The following NELL1 variants were observed in gnomAD, a reference collection of about 807,000 sequenced individuals.
NELL1 encodes protein kinase C-binding protein NELL1.
Under a neutral mutation model 107.4 loss-of-function variants are expected in NELL1, and 76 were observed. That is an observed-to-expected ratio of 0.71 (90% CI 0.59 to 0.86). The LOEUF is 0.86. Among genes scored for constraint, NELL1 ranks in the 40% least tolerant of loss-of-function variants. The pLI is 0.00. For synonymous variants in NELL1, 353 were observed against 341.2 expected, an observed-to-expected ratio of 1.03 and a Z score of -0.38; for missense variants, 1,024 against 1,005.5, an observed-to-expected ratio of 1.02 and a Z score of -0.25.
chr11:21,032,820 G>A (rs1225482048), intron 12 of NELL1, among the ~76,000 whole-genome samples: 1 of 152,186 alleles, frequency 6.6e-6, no homozygotes, highest in East Asian at 1.9e-4. Context: ...TCATGTTGAT[G>A]TGATTTATCC....
chr11:21,250,753 C>T (rs1302981968), intron 14 of NELL1, among the ~76,000 whole-genome samples: 5 of 152,116 alleles, frequency 3.3e-5, no homozygotes, highest in African/African-American at 1.2e-4. Flanking sequence ...ATAAGTGAAT[C>T]CCAAACCTTT....
chr11:20,675,898 C>A (rs1854043599), intron 1 of NELL1, among the ~76,000 whole-genome samples: 1 of 151,980 alleles, frequency 6.6e-6, no homozygotes. Context: ...TAGGTGTACG[C>A]CACCATGCCC....
In NELL1 at chr11:21,389,933, G is replaced by A. The variant is rs574021835; in HGVS notation, c.1645+18985G>A. On this transcript the variant is annotated intron_variant, in intron 15 of 19. Coordinates refer to ENST00000357134, the MANE Select transcript of NELL1 (RefSeq NM_006157.5). ...TATTTCTATATACCTATATATCTAGGAATAGAATTGCTGGGCATGCTTAGG... is the reference window on the plus strand; with the variant it reads ...TATTTCTATATACCTATATATCTAGAAATAGAATTGCTGGGCATGCTTAGG... 2.2e-4 allele frequency among the ~76,000 whole-genome samples: 33 copies of A among 151,704 alleles called. 1 individual carries two copies. In the South Asian group the frequency reaches 5.8e-3, roughly 27 times the overall value.
At chr11:20,961,783 G>C (rs987450385) in intron 12 of NELL1, among the ~76,000 whole-genome samples, 1 of 151,892 alleles carries the variant, frequency 6.6e-6, no homozygotes, top group African/African-American at 2.4e-5. Context: ...GCCTACTTTG[G>C]GATTTGAGTG....
At chr11:20,747,448 T>A (rs1338425894) in intron 2 of NELL1, among the ~76,000 whole-genome samples, 4 of 152,234 alleles carry the variant, frequency 2.6e-5, no homozygotes, top group African/African-American at 9.6e-5. Flanking sequence ...GGAATTCAGA[T>A]GTCTTAGTCC....
At chr11:21,409,168 C>G (rs1184196091) in intron 15 of NELL1, among the ~76,000 whole-genome samples, 2 of 152,064 alleles carry the variant, frequency 1.3e-5, no homozygotes, top group Non-Finnish European at 2.9e-5. Context: ...ATAGCAAAGA[C>G]TTGGAACCAA....
intron 11 of NELL1, among the ~76,000 whole-genome samples, chr11:20,954,101 C>T (rs1370143165): frequency 6.6e-6 from 1 of 152,138 alleles, no homozygotes; most frequent in Non-Finnish European, 1.5e-5. Flanking sequence ...ACTTCAGTTG[C>T]CACATCTGTA....
intron 14 of NELL1, among the ~76,000 whole-genome samples, chr11:21,293,997 A>G (rs957513796): frequency 6.6e-6 from 1 of 152,160 alleles, no homozygotes; most frequent in Non-Finnish European, 1.5e-5. Flanking sequence ...TGATGAGTGC[A>G]GCAAACCACT....
chr11:20,869,226 TTA>T (rs1849151488), intron 4 of NELL1, among the ~76,000 whole-genome samples: 1 of 152,088 alleles, frequency 6.6e-6, no homozygotes, highest in Admixed American at 6.6e-5. Context: ...GCCCAGTCAG[TTA>T]TATGTTACTG....
At chr11:20,735,568 G>A (rs1389639985) in intron 2 of NELL1, among the ~76,000 whole-genome samples, 1 of 152,160 alleles carries the variant, frequency 6.6e-6, no homozygotes, top group Non-Finnish European at 1.5e-5. Context: ...AATATGTGGG[G>A]ATTATGGAAA....
rs1052941048 is a variant in NELL1, at chr11:20,669,625, C to G, written c.-99C>G. 4.8e-6 allele frequency: 5 copies of G among 1,037,398 alleles called. No individual in the cohort carries two copies. The East Asian group carries it at 8.1e-5, about 17-fold the overall frequency. The allele number at this position is 1,037,398 out of a possible 1,614,324, so 64.3% of individuals were successfully genotyped here. A position where few individuals can be genotyped will look rare whatever the true frequency, so the allele number is the denominator to read the frequency against. Reference sequence around the variant, plus strand: ...AGCCACCTCCCCCGCCGCCCGCTAGCAAGTTTGGCGGCTCCAAGCCAGGCG... The same window carrying G: ...AGCCACCTCCCCCGCCGCCCGCTAGGAAGTTTGGCGGCTCCAAGCCAGGCG... On this transcript the variant is annotated 5_prime_UTR_variant, in exon 1 of 20. Transcript: ENST00000357134. This position sits in a 1 kb window ranked among gnomAD's most constrained non-coding sequence, Gnocchi z 4.4.
At chr11:20,844,650 C>A (rs12284424) in intron 3 of NELL1, among the ~76,000 whole-genome samples, 48,789 of 151,688 alleles carry the variant, frequency 0.32, 8,816 homozygotes, top group African/African-American at 0.49. Context: ...TTGCTCGTAG[C>A]GTCAGACTTC....
At chr11:21,069,176 G>A (rs950938973) in intron 12 of NELL1, among the ~76,000 whole-genome samples, 1 of 152,110 alleles carries the variant, frequency 6.6e-6, no homozygotes, top group African/African-American at 2.4e-5. Context: ...ATGGATACAG[G>A]GCTTAATACC....
chr11:21,567,677 T>G (rs556170543), intron 17 of NELL1, among the ~76,000 whole-genome samples: 2 of 151,946 alleles, frequency 1.3e-5, no homozygotes, highest in East Asian at 2.0e-4. Flanking sequence ...ACAAAACATC[T>G]CAGCAAGTCC....
chr11:21,173,600 C>T (rs1856652107), intron 13 of NELL1, among the ~76,000 whole-genome samples: 1 of 151,842 alleles, frequency 6.6e-6, no homozygotes, highest in African/African-American at 2.4e-5. Flanking sequence ...AAACTAGGTA[C>T]TGAATGAAAT....
At chr11:20,703,838 T>A (rs976020950) in intron 2 of NELL1, among the ~76,000 whole-genome samples, 3 of 152,204 alleles carry the variant, frequency 2.0e-5, no homozygotes, top group Admixed American at 2.0e-4. Flanking sequence ...AAATCCTGAG[T>A]TCTAGTTTGA....
chr11:21,087,733 C>G (rs778069700), intron 12 of NELL1, among the ~76,000 whole-genome samples: 8 of 152,074 alleles, frequency 5.3e-5, no homozygotes, highest in Non-Finnish European at 8.8e-5. Flanking sequence ...GCCCATGTAC[C>G]AAACCTGGCC....
Position 21,560,320 on chromosome 11 carries a change from C to T in NELL1, c.1918C>T (p.Leu640=). The change falls in exon 17 of 20, where the codon CTG becomes TTG. Residue 640 remains leucine, a synonymous_variant. Transcript: ENST00000357134. ...TGGTGACTGTCCTCATGAAGGGGGG[C>T]TGAAGCACAATGGCCAGGTGTGGAC... The part of the protein sequence containing the change: ...CSGDCPHEGG[L]KHNGQVWTLK... The T allele has an allele frequency of 6.2e-7, 1 of 1,612,704 alleles. No homozygotes were observed.
chr11:21,498,180 T>C (rs547731392), intron 15 of NELL1, among the ~76,000 whole-genome samples: 202 of 151,802 alleles, frequency 1.3e-3, no homozygotes, highest in African/African-American at 4.8e-3. Flanking sequence ...ATATTGTAGA[T>C]TTGAATAAAA....
Sources: allele counts gnomAD v4.1 joint callset (sites outside exome capture counted in the v4.1 genomes callset), GRCh38; gene constraint gnomAD v4.1.1; non-coding constraint Gnocchi (gnomAD v3.1); transcripts MANE v1.5; gene names NCBI Gene and HGNC (gene_info 2026-07-23, HGNC 2026-07-21).